ANO10: variants seen among roughly 807,000 people sequenced by gnomAD.
The protein encoded by ANO10 is anoctamin 10.
Under a neutral mutation model 74.7 loss-of-function variants are expected in ANO10, and 77 were observed. The observed-to-expected ratio is 1.03, with a 90% CI of 0.86 to 1.25. ANO10 has a LOEUF of 1.25. Ranked by LOEUF, ANO10 falls within the 50% of genes most tolerant of loss-of-function variation. ANO10 has a pLI of 0.00. For synonymous variants in ANO10, 279 were observed against 284.9 expected (o/e 0.98, Z 0.21); for missense variants, 721 against 778.1 (o/e 0.93, Z 0.87).
At chr3:43,635,644 G>A (rs916584812) in intron 1 of ANO10, among the ~76,000 whole-genome samples, 2 of 147,586 alleles carry the variant, frequency 1.4e-5, no homozygotes, top group Non-Finnish European at 3.0e-5. Flanking sequence ...TTTCTGAGAC[G>A]GAGTCTCGCT....
intron 1 of ANO10, among the ~76,000 whole-genome samples, chr3:43,634,285 T>C (rs1347521950): frequency 6.6e-6 from 1 of 152,152 alleles, no homozygotes; most frequent in African/African-American, 2.4e-5. Flanking sequence ...ATTTCCTTTT[T>C]ACATGTCTTT....
chr3:43,393,004 T>A (rs2092307235), intron 12 of ANO10, among the ~76,000 whole-genome samples: 1 of 152,180 alleles, frequency 6.6e-6, no homozygotes, highest in East Asian at 1.9e-4. Context: ...CTAATTTAAA[T>A]CCAAATAGGC....
chr3:43,684,480 G>C (rs1171077488), intron 1 of ANO10, among the ~76,000 whole-genome samples: 1 of 152,218 alleles, frequency 6.6e-6, no homozygotes, highest in East Asian at 1.9e-4. Context: ...TACACTGTTG[G>C]TGGGACTGTA....
In ANO10 at chr3:43,670,866, C is replaced by T. The variant is rs144376407; in HGVS notation, c.-12+20651G>A. Among the ~76,000 whole-genome samples, 118 of 152,276 alleles carry T rather than the reference C, an allele frequency of 7.7e-4. 3 individuals are homozygous for T. The highest frequency in any genetic ancestry group is 2.9e-3 in the South Asian group (14 of 4,832). ...GCAAACCCATTATCACTGCTAGAAA[C>T]GCAACTCCTGGAGTGTGCCTAAGCA... is the stretch of plus-strand genomic sequence containing the variant. On this transcript the variant is annotated intron_variant, in intron 1 of 3. Transcript: ENST00000413397.
chr3:43,570,687 G>A (rs1266152108), intron 7 of ANO10, among the ~76,000 whole-genome samples: 1 of 146,430 alleles, frequency 6.8e-6, no homozygotes, highest in Admixed American at 6.8e-5. Flanking sequence ...ATCAATTCAA[G>A]ATGGATTAAA....
At chr3:43,453,568 T>A (rs1419641107) in intron 11 of ANO10, among the ~76,000 whole-genome samples, 1 of 152,216 alleles carries the variant, frequency 6.6e-6, no homozygotes, top group East Asian at 1.9e-4. Flanking sequence ...ACATCCTTGT[T>A]TCTTCTTAAG....
At chr3:43,408,637 G>A (rs1170640500) in intron 12 of ANO10, among the ~76,000 whole-genome samples, 1 of 152,188 alleles carries the variant, frequency 6.6e-6, no homozygotes, top group Admixed American at 6.5e-5. Flanking sequence ...AGACTGCAGT[G>A]GATGCCCTGC....
intron 4 of ANO10, among the ~76,000 whole-genome samples, chr3:43,581,037 A>AG (rs2081242196): frequency 6.6e-6 from 1 of 152,174 alleles, no homozygotes; most frequent in Non-Finnish European, 1.5e-5. Flanking sequence ...TAAAATTTGT[A>AG]CAAATACCTT....
At chr3:43,591,840 T>C (rs1225494399) in intron 4 of ANO10, among the ~76,000 whole-genome samples, 1 of 152,180 alleles carries the variant, frequency 6.6e-6, no homozygotes, top group Non-Finnish European at 1.5e-5. Flanking sequence ...GGGAATTCCC[T>C]TTCCTAGCCA....
rs532060241 is a variant in ANO10 at position 43,501,556 on chromosome 3, C to T, written c.1797+48164G>A. Among the ~76,000 whole-genome samples, 6 of 151,820 alleles carry T rather than the reference C, an allele frequency of 4.0e-5. No individual in the cohort carries two copies. In the South Asian group the frequency reaches 1.3e-3, roughly 32 times the overall value. ...GGTCTGAGAAATCATGAGGTCAAAGCTTCTTAGTAGAGAGGCAGAGGAAAG... is the reference window on the plus strand; with the variant it reads ...GGTCTGAGAAATCATGAGGTCAAAGTTTCTTAGTAGAGAGGCAGAGGAAAG... On this transcript the variant is annotated intron_variant, in intron 11 of 12. Coordinates refer to ENST00000292246, the MANE Select transcript of ANO10 (RefSeq NM_018075.5).
rs1196204973 is a variant in ANO10 at position 43,691,026 on chromosome 3, G to A, written c.-12+491C>T. ...GGAGGAGGAGGAGGTGGACTCTGCC[G>A]ACACCGGAGAGAGGTAAGCGCAGCC... On this transcript the variant is annotated intron_variant, in intron 1 of 3. Transcript: ENST00000413397. 17 of 1,562,450 alleles carry A rather than the reference G, an allele frequency of 1.1e-5. No individual in the cohort carries two copies. Among genetic ancestry groups the A allele is most frequent in the Non-Finnish European group, 1.5e-5 (17 of 1,156,876 alleles).
chr3:43,643,683 C>CTTTTTTTTTT (rs61487906), intron 1 of ANO10, among the ~76,000 whole-genome samples: 1 of 104,722 alleles, frequency 9.5e-6, no homozygotes, highest in Non-Finnish European at 1.9e-5. Context: ...CTCATCTTTT[C>CTTTTTTTTTT]TTTTTTTTTT....
chr3:43,554,005 T>C (rs2079611419), intron 10 of ANO10, among the ~76,000 whole-genome samples: 2 of 152,188 alleles, frequency 1.3e-5, no homozygotes, highest in African/African-American at 4.8e-5. Context: ...GATATCCTAA[T>C]TCTGTTTTTT....
chr3:43,612,581 T>C (rs948217547), intron 1 of ANO10, among the ~76,000 whole-genome samples: 9 of 152,194 alleles, frequency 5.9e-5, no homozygotes, highest in Non-Finnish European at 1.3e-4. Flanking sequence ...ACCCAGTGAT[T>C]CTCAACCAGG....
chr3:43,520,184 T>C (rs1321790451), intron 11 of ANO10, among the ~76,000 whole-genome samples: 3 of 152,192 alleles, frequency 2.0e-5, no homozygotes, highest in Non-Finnish European at 4.4e-5. Flanking sequence ...CCATCTTCCA[T>C]ATCCTCCTCC....
At chr3:43,486,013 A>T in intron 11 of ANO10, 1 of 263,716 alleles carries the variant, frequency 3.8e-6, no homozygotes, top group Non-Finnish European at 7.4e-6. Flanking sequence ...TGGCTGCCAC[A>T]GGGCCAGCAG....
chr3:43,386,002 G>A (rs1217687569), intron 12 of ANO10, among the ~76,000 whole-genome samples: 1 of 152,110 alleles, frequency 6.6e-6, no homozygotes, highest in Non-Finnish European at 1.5e-5. Context: ...CATCCCCCAA[G>A]GAGCTTCTGT....
At chr3:43,687,341 C>T (rs1357003006) in intron 1 of ANO10, among the ~76,000 whole-genome samples, 4 of 152,226 alleles carry the variant, frequency 2.6e-5, no homozygotes, top group Admixed American at 2.6e-4. Context: ...CCCTCACTCT[C>T]ATTCTGGTTT....
At chr3:43,574,735 T>A in intron 7 of ANO10, 74 bp downstream of exon 7, 1 of 1,182,172 alleles carries the variant, frequency 8.5e-7, no homozygotes, top group East Asian at 2.4e-5. Flanking sequence ...CAACTCTTCA[T>A]ATTTGTATTC....
Sources: gnomAD v4.1 joint callset for allele counts (sites outside exome capture counted in the v4.1 genomes callset) on GRCh38, gnomAD v4.1.1 for gene constraint, MANE v1.5 for transcripts, NCBI Gene and HGNC (gene_info 2026-07-23, HGNC 2026-07-21) for gene names.